Variants in SCLT1 observed in about 807,000 individuals in gnomAD.
SCLT1 encodes the protein sodium channel-associated protein 1.
SCLT1 carries 78 observed loss-of-function variants against 112.8 expected under a neutral mutation model. That is an observed-to-expected ratio of 0.69 (90% confidence interval 0.58 to 0.83). The LOEUF is 0.83. SCLT1 is among the 40% of genes least tolerant of loss of function. SCLT1 has a pLI of 0.00. For missense variants in SCLT1, 747 were observed against 770.4 expected (o/e 0.97, Z 0.36); for synonymous variants, 257 against 254.7 (o/e 1.01, Z -0.09).
chr4:128,951,611 G>A (rs1435842104), intron 14 of SCLT1, among the ~76,000 whole-genome samples: 3 of 152,068 alleles, frequency 2.0e-5, no homozygotes, highest in Admixed American at 6.6e-5. Context: ...TTGGACTGGG[G>A]TAGTACCCTT....
At chr4:129,025,547 A>G (rs1745973040) in intron 5 of SCLT1, among the ~76,000 whole-genome samples, 1 of 152,096 alleles carries the variant, frequency 6.6e-6, no homozygotes, top group African/African-American at 2.4e-5. Context: ...CTCCTGAAGG[A>G]AGCACTAAAC....
intron 9 of SCLT1, chr4:128,972,446 A>AT (rs1434941247): frequency 6.7e-6 from 1 of 149,658 alleles, no homozygotes; most frequent in Non-Finnish European, 1.5e-5. Flanking sequence ...AAAAAAAAAA[A>AT]CCTGTTGGAG....
At chr4:128,925,587 G>C (rs377567215) in intron 18 of SCLT1, among the ~76,000 whole-genome samples, 39 of 152,226 alleles carry the variant, frequency 2.6e-4, no homozygotes, top group African/African-American at 8.9e-4. Context: ...GCCTCCCAAA[G>C]TGCTAGGATT....
chr4:129,063,686 G>A (rs1192557888), intron 2 of SCLT1, among the ~76,000 whole-genome samples: 3 of 152,200 alleles, frequency 2.0e-5, no homozygotes, highest in African/African-American at 7.2e-5. Context: ...TCTGCTGATA[G>A]AGTCTGCAAA....
intron 9 of SCLT1, among the ~76,000 whole-genome samples, chr4:128,989,823 C>A (rs964954690): frequency 2.0e-5 from 3 of 151,574 alleles, no homozygotes; most frequent in Non-Finnish European, 4.4e-5. Context: ...TTATGAGCAA[C>A]TATATGCCAA....
chr4:129,003,642 C>CA, intron 6 of SCLT1, 99 bp downstream of exon 6: 1 of 969,950 alleles, frequency 1.0e-6, no homozygotes, highest in Non-Finnish European at 1.5e-6. Context: ...CATAATGTTA[C>CA]AATTTTATTA....
At chr4:128,932,570 C>G (rs1330993746) in intron 18 of SCLT1, among the ~76,000 whole-genome samples, 1 of 152,030 alleles carries the variant, frequency 6.6e-6, no homozygotes, top group African/African-American at 2.4e-5. Flanking sequence ...CAAGGATGCC[C>G]ATTTTTGCCA....
chr4:129,073,639 A>G (rs1751213071), intron 2 of SCLT1, among the ~76,000 whole-genome samples: 1 of 152,154 alleles, frequency 6.6e-6, no homozygotes, highest in South Asian at 2.1e-4. Flanking sequence ...AGAGTCTAAC[A>G]CAATGTCTCA....
intron 2 of SCLT1, among the ~76,000 whole-genome samples, chr4:129,046,336 AC>A (rs1317234513): frequency 6.6e-6 from 1 of 151,904 alleles, no homozygotes; most frequent in East Asian, 1.9e-4. Context: ...CTAAGTCACT[AC>A]CCCCAGGCTC....
At chr4:129,043,101 G>A (rs1197909137) in intron 4 of SCLT1, among the ~76,000 whole-genome samples, 2 of 151,880 alleles carry the variant, frequency 1.3e-5, no homozygotes, top group African/African-American at 4.8e-5. Flanking sequence ...AAAAAGAGAT[G>A]GGGTCTCACT....
chr4:128,938,585 C>T (rs1333754182), intron 17 of SCLT1, among the ~76,000 whole-genome samples: 1 of 152,108 alleles, frequency 6.6e-6, no homozygotes, highest in Non-Finnish European at 1.5e-5. Flanking sequence ...CCTTCCCTTC[C>T]TTAATCTTCA....
In SCLT1 at chr4:128,888,201, T is replaced by G. The variant is rs565518733; in HGVS notation, c.2004+478A>C. 1.8e-3 allele frequency among the ~76,000 whole-genome samples: 280 copies of G among 151,822 alleles called. 2 individuals are homozygous for G. Among genetic ancestry groups the G allele is most frequent in the Non-Finnish European group, 3.0e-3 (204 of 67,928 alleles). On this transcript the variant is annotated intron_variant, in intron 20 of 20. Coordinates refer to ENST00000281142, the MANE Select transcript of SCLT1 (RefSeq NM_144643.4). ...GAGGCTATGATTGTTAGACAGTATA[T>G]GTCTTTTCTGTTTTTTTTTTTTTTG...
chr4:129,033,156 C>T (rs1488851622), intron 5 of SCLT1, among the ~76,000 whole-genome samples: 1 of 152,018 alleles, frequency 6.6e-6, no homozygotes, highest in Non-Finnish European at 1.5e-5. Context: ...GAATACTATG[C>T]AGCCATAAAA....
At chr4:129,033,033 CAT>C (rs1395331057) in intron 5 of SCLT1, among the ~76,000 whole-genome samples, 2 of 152,126 alleles carry the variant, frequency 1.3e-5, no homozygotes, top group East Asian at 1.9e-4. Context: ...CACATGTACA[CAT>C]ATGTTTACTG....
chr4:128,887,732 C>T (rs1314382057), intron 20 of SCLT1, among the ~76,000 whole-genome samples: 2 of 152,078 alleles, frequency 1.3e-5, no homozygotes, highest in Non-Finnish European at 2.9e-5. Flanking sequence ...GAGAAATTAT[C>T]CCTTAGTATT....
intron 5 of SCLT1, chr4:128,874,232 G>C (rs1732407560): frequency 6.6e-6 from 1 of 152,516 alleles, no homozygotes; most frequent in Non-Finnish European, 1.5e-5. Context: ...TTTATCTACA[G>C]TTATCTTTTG....
intron 18 of SCLT1, among the ~76,000 whole-genome samples, chr4:128,892,733 T>A (rs1217623984): frequency 6.6e-6 from 1 of 152,214 alleles, no homozygotes; most frequent in Non-Finnish European, 1.5e-5. Context: ...ATTGTTGTCA[T>A]CACAGAACTG....
rs944125364 is a variant in SCLT1 at position 128,965,454 on chromosome 4, A to T, written c.778-136T>A. 1.2e-5 allele frequency: 8 copies of T among 645,432 alleles called. No homozygotes were observed. In the African/African-American group the frequency reaches 1.3e-4, roughly 11 times the overall value. The allele number at this position is 645,432 out of a possible 1,614,324, so 40.0% of individuals were successfully genotyped here. On this transcript the variant is annotated intron_variant, in intron 10 of 20. Coordinates refer to ENST00000281142, the MANE Select transcript of SCLT1 (RefSeq NM_144643.4). ...TCTAACACTTACGTTAAAAGAAACA[A>T]TATGACTTTGGAAACAAATCATGTG...
rs766484979 is a variant in SCLT1 at position 128,970,332 on chromosome 4, G to T, written c.777+46C>A. 4 of 1,044,338 alleles carry T rather than the reference G, an allele frequency of 3.8e-6. No homozygotes were observed. The South Asian group carries it at 5.2e-5, about 14-fold the overall frequency. The allele number at this position is 1,044,338 out of a possible 1,614,324, so 64.7% of individuals were successfully genotyped here. ...CCAAAATAAATCAACAAAATAGAAA[G>T]AAAACTAAGCAATAGGTACCCATTT... On this transcript the variant is annotated intron_variant, in intron 10 of 20. Coordinates refer to ENST00000281142, the MANE Select transcript of SCLT1 (RefSeq NM_144643.4).
Sources: gnomAD v4.1 joint callset for allele counts (sites outside exome capture counted in the v4.1 genomes callset) on GRCh38, gnomAD v4.1.1 for gene constraint, MANE v1.5 for transcripts, NCBI Gene and HGNC (gene_info 2026-07-23, HGNC 2026-07-21) for gene names.